The following GRM7 variants were observed in gnomAD, a reference collection of about 807,000 sequenced individuals.
GRM7 encodes glutamate metabotropic receptor 7.
A neutral mutation model predicts 84.5 loss-of-function variants in GRM7; 35 were observed. The ratio of observed to expected loss-of-function variants is 0.41; its 90% CI spans 0.32 to 0.55. The LOEUF (loss-of-function observed/expected upper bound fraction) is 0.55, where lower values mean the gene tolerates loss of function less well. GRM7 is among the 20% of genes least tolerant of loss of function. The probability of loss-of-function intolerance (pLI) is 0.19; values close to 1 mark genes in which losing one functional copy is unlikely to be tolerated. For synonymous variants in GRM7, 487 were observed against 455.1 expected (o/e 1.07, Z -0.89); for missense variants, 1,003 against 1,194.6 (o/e 0.84, Z 2.36).
chr3:7,086,592 A>G (rs566931097), intron 1 of GRM7, among the ~76,000 whole-genome samples: 1 of 152,198 alleles, frequency 6.6e-6, no homozygotes, highest in South Asian at 2.1e-4. Flanking sequence ...GTGCAACTTG[A>G]TGTTTGCCAG....
At chr3:6,901,338 G>A (rs1295075340) in intron 1 of GRM7, among the ~76,000 whole-genome samples, 4 of 151,996 alleles carry the variant, frequency 2.6e-5, no homozygotes, top group Non-Finnish European at 5.9e-5. Context: ...AGTGGCTCAC[G>A]CCTGTAATCC....
chr3:6,892,205 A>G (rs932789620), intron 1 of GRM7, among the ~76,000 whole-genome samples: 4 of 152,138 alleles, frequency 2.6e-5, no homozygotes, highest in African/African-American at 9.7e-5. Flanking sequence ...TTGGTCAATT[A>G]CACTCAAGTC....
chr3:6,936,009 T>G (rs1697680196), intron 1 of GRM7, among the ~76,000 whole-genome samples: 1 of 152,028 alleles, frequency 6.6e-6, no homozygotes, highest in Non-Finnish European at 1.5e-5. Context: ...ACTCCCAGCC[T>G]TTGCTTTCTG....
intron 1 of GRM7, among the ~76,000 whole-genome samples, chr3:7,111,463 A>G (rs1203659469): frequency 6.6e-6 from 1 of 152,116 alleles, no homozygotes; most frequent in East Asian, 1.9e-4. Context: ...AAGTCTTAGT[A>G]TTTGATTCAA....
chr3:7,346,927 T>A (rs1692919088), intron 4 of GRM7, among the ~76,000 whole-genome samples: 1 of 152,168 alleles, frequency 6.6e-6, no homozygotes, highest in Non-Finnish European at 1.5e-5. Flanking sequence ...TTGGGACTTC[T>A]GACTTCAGAT....
intron 1 of GRM7, among the ~76,000 whole-genome samples, chr3:7,059,821 A>T (rs560907963): frequency 2.0e-5 from 3 of 151,760 alleles, no homozygotes; most frequent in Non-Finnish European, 2.9e-5. Context: ...GTCTTCTAAG[A>T]ACCAAAACAT....
chr3:6,990,608 C>A (rs1190814561), intron 1 of GRM7, among the ~76,000 whole-genome samples: 1 of 152,108 alleles, frequency 6.6e-6, no homozygotes, highest in Non-Finnish European at 1.5e-5. Flanking sequence ...TTAACAAATG[C>A]TGGGTTTTCA....
At chr3:7,223,278 C>T (rs1696870910) in intron 2 of GRM7, among the ~76,000 whole-genome samples, 1 of 151,950 alleles carries the variant, frequency 6.6e-6, no homozygotes, top group Non-Finnish European at 1.5e-5. Flanking sequence ...CCTATAATTT[C>T]ATAAATTTGA....
chr3:7,204,278 A>T (rs1451003176), intron 2 of GRM7, among the ~76,000 whole-genome samples: 1 of 152,146 alleles, frequency 6.6e-6, no homozygotes, highest in Admixed American at 6.5e-5. Context: ...AGGAGGAGAG[A>T]TGATCTCTTT....
At chr3:7,424,912 A>G (rs760730189) in intron 5 of GRM7, among the ~76,000 whole-genome samples, 10 of 152,234 alleles carry the variant, frequency 6.6e-5, no homozygotes, top group Non-Finnish European at 1.5e-4. Flanking sequence ...GATGATCACA[A>G]CAGCCCTGAC....
intron 4 of GRM7, among the ~76,000 whole-genome samples, chr3:7,312,917 T>C (rs1286024955): frequency 2.7e-5 from 4 of 146,562 alleles, no homozygotes; most frequent in Non-Finnish European, 5.9e-5. Context: ...TGCCTTCTCC[T>C]CCTTTTTTTT....
chr3:7,022,765 C>T (rs1206982855), intron 1 of GRM7, among the ~76,000 whole-genome samples: 3 of 151,952 alleles, frequency 2.0e-5, no homozygotes, highest in Non-Finnish European at 4.4e-5. Flanking sequence ...AAACAGGGGT[C>T]GTCTTTGTCC....
chr3:7,333,630 G>C (rs532271502), intron 4 of GRM7, among the ~76,000 whole-genome samples: 1 of 152,000 alleles, frequency 6.6e-6, no homozygotes, highest in Non-Finnish European at 1.5e-5. Flanking sequence ...AGAAATGCCA[G>C]ATAAAGAATT....
intron 9 of GRM7, among the ~76,000 whole-genome samples, chr3:7,714,676 T>C (rs1025821559): frequency 2.0e-5 from 3 of 152,186 alleles, no homozygotes; most frequent in African/African-American, 4.8e-5. Flanking sequence ...TGTGCATATA[T>C]CTACTCAGCA....
intron 2 of GRM7, among the ~76,000 whole-genome samples, chr3:7,277,171 A>C (rs1699103267): frequency 6.6e-6 from 1 of 152,070 alleles, no homozygotes; most frequent in Admixed American, 6.6e-5. Context: ...TTTTAACCTC[A>C]GATTGCTTTC....
intron 1 of GRM7, among the ~76,000 whole-genome samples, chr3:7,084,441 A>T (rs945368161): frequency 6.6e-6 from 1 of 152,102 alleles, no homozygotes; most frequent in Non-Finnish European, 1.5e-5. Context: ...CTTGGAAGGG[A>T]ATAAGAAGTA....
intron 5 of GRM7, 80 bp downstream of exon 5, chr3:7,415,243 C>A: frequency 2.5e-6 from 3 of 1,215,810 alleles, no homozygotes; most frequent in South Asian, 1.3e-5. Context: ...CAGAAGGAAG[C>A]TTGGCTGGAG....
intron 1 of GRM7, among the ~76,000 whole-genome samples, chr3:6,980,346 G>A (rs972042656): frequency 3.9e-5 from 6 of 152,110 alleles, no homozygotes; most frequent in African/African-American, 1.2e-4. Context: ...ATGTACTTAT[G>A]CAACATTTCA....
chr3:7,676,174 T>C (rs1379188178), intron 8 of GRM7, among the ~76,000 whole-genome samples: 2 of 152,120 alleles, frequency 1.3e-5, no homozygotes, highest in Non-Finnish European at 2.9e-5. Context: ...TGGGACTAAA[T>C]ATAGATATGC....
Sources: gnomAD v4.1 joint callset for allele counts (sites outside exome capture counted in the v4.1 genomes callset) on GRCh38, gnomAD v4.1.1 for gene constraint, MANE v1.5 for transcripts, NCBI Gene and HGNC (gene_info 2026-07-23, HGNC 2026-07-21) for gene names.